The following ATP2B2 variants were observed in gnomAD, a reference collection of about 807,000 sequenced individuals.
ATP2B2 encodes plasma membrane calcium-transporting ATPase 2.
ATP2B2 carries 15 observed loss-of-function variants against 120.0 expected under a neutral mutation model. The ratio of observed to expected loss-of-function variants is 0.12; its 90% CI spans 0.08 to 0.19. The LOEUF is 0.19. Among genes scored for constraint, ATP2B2 ranks in the 10% least tolerant of loss-of-function variants. ATP2B2 has a pLI of 1.00. For synonymous variants in ATP2B2, 694 were observed against 700.3 expected, an observed-to-expected ratio of 0.99 and a Z score of 0.14; for missense variants, 1,045 against 1,719.8, an observed-to-expected ratio of 0.61 and a Z score of 6.94.
At chr3:10,432,133 C>T (rs570054767) in intron 2 of ATP2B2, among the ~76,000 whole-genome samples, 6 of 152,206 alleles carry the variant, frequency 3.9e-5, no homozygotes, top group East Asian at 1.9e-4. Flanking sequence ...GCCAGGCAGG[C>T]GCTGGTTTGG....
chr3:10,571,548 G>C (rs945841292), intron 2 of ATP2B2, among the ~76,000 whole-genome samples: 2 of 152,268 alleles, frequency 1.3e-5, no homozygotes, highest in African/African-American at 4.8e-5. Flanking sequence ...GGGACCATCA[G>C]TCTGGCAAGA....
chr3:10,449,910 C>T (rs2063973263), intron 1 of ATP2B2, 48 bp from the exon 2 acceptor site: 1 of 370,858 alleles, frequency 2.7e-6, no homozygotes, highest in African/African-American at 2.1e-5. Flanking sequence ...CACTGGAGGC[C>T]ACATGGGACA....
At chr3:10,576,425 G>C (rs376086868) in intron 2 of ATP2B2, among the ~76,000 whole-genome samples, 60 of 152,264 alleles carry the variant, frequency 3.9e-4, no homozygotes, top group African/African-American at 1.4e-3. Flanking sequence ...CTGTTGCCCA[G>C]GCTGGAGTGC....
At position 10,358,769 on chromosome 3, in the gene ATP2B2, G is replaced by T. The variant is rs757806989; in HGVS notation, c.2058C>A (p.Asp686Glu). ...TGAGGATGTCATTCTCATTGTCCCA[G>T]TCCGGCTCCGGGCTGCTGGGGAAGT... ...YRDFPSSPEP[D>E]WDNENDILNE... The change falls in exon 14 of 23, where the codon GAC (aspartate) becomes GAA (glutamate). Residue 686 changes from aspartate (D) to glutamate (E), a missense_variant. This residue lies in a region of ATP2B2 where 343 missense variants were observed against 536.8 expected (regional missense o/e 0.64). Coordinates refer to ENST00000360273, the MANE Select transcript of ATP2B2 (RefSeq NM_001001331.4). 3 of 1,614,250 alleles carry T rather than the reference G, an allele frequency of 1.9e-6. No homozygotes were observed. Among genetic ancestry groups the T allele is most frequent in the South Asian group, 1.1e-5 (1 of 91,084 alleles).
At chr3:10,514,237 A>AAC (rs1169631248) in intron 3 of ATP2B2, among the ~76,000 whole-genome samples, 1 of 152,032 alleles carries the variant, frequency 6.6e-6, no homozygotes, top group East Asian at 1.9e-4. Flanking sequence ...AGGTCTGGGG[A>AAC]ACACTTGGGT....
chr3:10,434,009 A>G (rs375625499), intron 2 of ATP2B2, among the ~76,000 whole-genome samples: 1 of 152,182 alleles, frequency 6.6e-6, no homozygotes, highest in African/African-American at 2.4e-5. Flanking sequence ...TAGTTACCCA[A>G]TAAATTGTTC....
intron 14 of ATP2B2, among the ~76,000 whole-genome samples, chr3:10,355,952 G>A (rs1411590421): frequency 1.3e-5 from 1 of 76,108 alleles, no homozygotes; most frequent in Non-Finnish European, 2.5e-5. Context: ...GCGGGCGCCT[G>A]TAGTCCCAGC....
chr3:10,547,155 G>T, intron 2 of ATP2B2, among the ~76,000 whole-genome samples: 1 of 152,198 alleles, frequency 6.6e-6, no homozygotes, highest in East Asian at 1.9e-4. Context: ...GGTCAAGGGC[G>T]GGGGCAAAGA....
rs546900882 is a variant in ATP2B2, at chr3:10,453,067, C to T, written c.-319-3205G>A. ...GCACATGATAAGCATTTATTGAGTGCTTATTAGGTGCCAAGCACTCTGAGT... is the reference window on the plus strand; with the variant it reads ...GCACATGATAAGCATTTATTGAGTGTTTATTAGGTGCCAAGCACTCTGAGT... On this transcript the variant is annotated intron_variant, in intron 1 of 22. Transcript: ENST00000360273. Among the ~76,000 whole-genome samples, 3 of 152,290 alleles carry T rather than the reference C, an allele frequency of 2.0e-5. No individual in the cohort carries two copies. In the East Asian group the frequency reaches 5.8e-4, roughly 29 times the overall value.
intron 3 of ATP2B2, among the ~76,000 whole-genome samples, chr3:10,532,716 C>T (rs928789912): frequency 3.9e-5 from 6 of 152,180 alleles, no homozygotes; most frequent in African/African-American, 1.2e-4. Context: ...GGCAAGAAAC[C>T]AAACTTTAGC....
chr3:10,440,168 A>T (rs2063616034), intron 2 of ATP2B2, among the ~76,000 whole-genome samples: 1 of 150,744 alleles, frequency 6.6e-6, no homozygotes, highest in Admixed American at 6.6e-5. Flanking sequence ...GGTGGGTGAG[A>T]AGCCCCAGAG....
chr3:10,518,459 T>A (rs181827440), intron 3 of ATP2B2, among the ~76,000 whole-genome samples: 8 of 152,238 alleles, frequency 5.3e-5, no homozygotes, highest in Admixed American at 4.6e-4. Flanking sequence ...AGGGGAGGCA[T>A]TCCTGGGAAT....
intron 2 of ATP2B2, among the ~76,000 whole-genome samples, chr3:10,610,141 A>T (rs200838783): frequency 2.7e-5 from 2 of 72,872 alleles, no homozygotes; most frequent in Non-Finnish European, 4.4e-5. Context: ...ATATACATGT[A>T]TATATATATA....
chr3:10,616,061 C>T (rs1185016531), intron 2 of ATP2B2, among the ~76,000 whole-genome samples: 1 of 152,112 alleles, frequency 6.6e-6, no homozygotes, highest in Non-Finnish European at 1.5e-5. Flanking sequence ...CACTTACCTC[C>T]CTCCCCCGAT....
intron 14 of ATP2B2, among the ~76,000 whole-genome samples, chr3:10,352,330 G>A (rs2125417581): frequency 6.6e-6 from 1 of 152,370 alleles, no homozygotes; most frequent in South Asian, 2.1e-4. Context: ...ACCTGCCTGA[G>A]TGTCAGCCTG....
chr3:10,697,948 A>T (rs9832930), intron 1 of ATP2B2, among the ~76,000 whole-genome samples: 64,879 of 152,094 alleles, frequency 0.43, 17,392 homozygotes, highest in African/African-American at 0.76. Context: ...TGTTCTCACA[A>T]AGCTCCCTGC....
At chr3:10,689,089 A>T (rs948406102) in intron 1 of ATP2B2, among the ~76,000 whole-genome samples, 26 of 152,288 alleles carry the variant, frequency 1.7e-4, no homozygotes, top group African/African-American at 5.5e-4. Flanking sequence ...CTGTAGGCCC[A>T]CGTGTTAGCA....
At chr3:10,411,858 C>T (rs545559202) in intron 2 of ATP2B2, among the ~76,000 whole-genome samples, 9 of 152,300 alleles carry the variant, frequency 5.9e-5, no homozygotes, top group African/African-American at 2.2e-4. Flanking sequence ...GAGGTGTAGC[C>T]AGGTGCACCC....
chr3:10,659,746 T>G (rs1288636688), intron 1 of ATP2B2, among the ~76,000 whole-genome samples: 2 of 152,356 alleles, frequency 1.3e-5, no homozygotes, highest in Admixed American at 6.5e-5. Context: ...CAAGTGGACC[T>G]AATAGACATC....
Sources: allele counts gnomAD v4.1 joint callset (sites outside exome capture counted in the v4.1 genomes callset), GRCh38; gene constraint gnomAD v4.1.1; regional missense constraint gnomAD v4.1.1; transcripts MANE v1.5; gene names NCBI Gene and HGNC (gene_info 2026-07-23, HGNC 2026-07-21).